The following CLASP2 variants were observed in gnomAD, a reference collection of about 807,000 sequenced individuals.
CLASP2 encodes cytoplasmic linker associated protein 2, also known as CLIP-associating protein 2.
CLASP2 carries 47 observed loss-of-function variants against 194.4 expected under a neutral mutation model. That is an observed-to-expected ratio of 0.24 (90% confidence interval 0.19 to 0.31). The LOEUF is 0.31. Among genes scored for constraint, CLASP2 ranks in the 10% least tolerant of loss-of-function variants. The pLI, the probability that CLASP2 is intolerant of heterozygous loss-of-function variation, is 1.00. For missense variants in CLASP2, 1,445 were observed against 1,823.6 expected, an observed-to-expected ratio of 0.79 and a Z score of 3.78; for synonymous variants, 619 against 633.5, an observed-to-expected ratio of 0.98 and a Z score of 0.34.
chr3:33,696,433 G>C, intron 2 of CLASP2, among the ~76,000 whole-genome samples: 1 of 122,608 alleles, frequency 8.2e-6, no homozygotes, highest in Admixed American at 1.0e-4. Flanking sequence ...AAACTGAAAT[G>C]CTAAGTAGCA....
chr3:33,576,935 G>A (rs1355072481), intron 23 of CLASP2, among the ~76,000 whole-genome samples: 11 of 148,532 alleles, frequency 7.4e-5, no homozygotes, highest in African/African-American at 2.5e-4. Flanking sequence ...ATACAAAGAT[G>A]AGAACATAAA....
At chr3:33,530,529 A>T (rs1313671292) in intron 34 of CLASP2, among the ~76,000 whole-genome samples, 1 of 152,256 alleles carries the variant, frequency 6.6e-6, no homozygotes, top group African/African-American at 2.4e-5. Context: ...TAAGGATATT[A>T]AGTATTATGT....
chr3:33,551,371 T>C lies in CLASP2; in HGVS notation c.3034A>G (p.Ile1012Val), dbSNP rs368913164. The C allele has an allele frequency of 1.4e-5, 22 of 1,613,874 alleles. No homozygotes were observed. In the African/African-American group the frequency reaches 2.7e-4, roughly 20 times the overall value. Residue 1012 changes from isoleucine (I) to valine (V), a missense_variant, in exon 30 of 39, where the codon ATA becomes GTA. Ile to Val is a conservative substitution (Grantham distance 29). This residue lies in a region of CLASP2 where 732 missense variants were observed against 987.9 expected (regional missense o/e 0.74). Transcript: ENST00000682230. ...TCCATCTGTTTGGCCAGAGTTTCTA[T>C]GTATTTAAGGATAGCAACCTTCACC... ...LKVKVAILKY[I>V]ETLAKQMDPG...
chr3:33,520,430 T>C (rs377206876), intron 34 of CLASP2, among the ~76,000 whole-genome samples: 168 of 152,256 alleles, frequency 1.1e-3, no homozygotes, highest in African/African-American at 4.0e-3. Context: ...AAACAAACTA[T>C]AAGGAGGGTA....
intron 11 of CLASP2, 75 bp downstream of exon 11, chr3:33,622,060 G>C (rs1422933411): frequency 8.8e-7 from 1 of 1,132,828 alleles, no homozygotes; most frequent in African/African-American, 1.6e-5. Context: ...GCTACTGCTT[G>C]ACTTAATGAG....
intron 20 of CLASP2, 173 bp from the exon 21 acceptor site, chr3:33,592,669 T>C (rs2069089735): frequency 1.5e-6 from 1 of 661,438 alleles, no homozygotes; most frequent in Admixed American, 2.3e-5. Context: ...TTTTTTTACG[T>C]GTTATACCAT....
At chr3:33,553,567 A>C (rs532209328) in intron 29 of CLASP2, among the ~76,000 whole-genome samples, 6 of 152,222 alleles carry the variant, frequency 3.9e-5, no homozygotes, top group African/African-American at 1.4e-4. Flanking sequence ...TTGTCAAAGA[A>C]AGACATACAA....
chr3:33,620,012 A>T (rs2076854088), intron 11 of CLASP2, among the ~76,000 whole-genome samples: 1 of 152,194 alleles, frequency 6.6e-6, no homozygotes, highest in African/African-American at 2.4e-5. Context: ...TTCAGAATTT[A>T]ATTATTAACT....
Position 33,684,435 on chromosome 3 carries a change from C to T in CLASP2, c.568G>A (p.Ala190Thr). ...NSQVRDAAILAIVEIYRHVGE... is the reference protein window; with the variant it reads ...NSQVRDAAILTIVEIYRHVGE... ...ACATGTCTATAAATCTCCACTATAG[C>T]CAATATTGCAGCATCTCTCACCTGT... The change falls in exon 6 of 39, where the codon GCT (alanine) becomes ACT (threonine). Residue 190 changes from alanine (A) to threonine (T), a missense_variant. This residue lies in a region of CLASP2 where 332 missense variants were observed against 325.3 expected (regional missense o/e 1.02). Transcript: ENST00000682230. 1.2e-6 allele frequency: 2 copies of T among 1,600,066 alleles called. No individual in the cohort carries two copies. The highest frequency in any genetic ancestry group is 1.3e-5 in the African/African-American group (1 of 74,164).
At chr3:33,664,847 C>G (rs2085906157) in intron 6 of CLASP2, among the ~76,000 whole-genome samples, 1 of 152,154 alleles carries the variant, frequency 6.6e-6, no homozygotes, top group Admixed American at 6.5e-5. Flanking sequence ...TGCCTATAAT[C>G]CCAACACTTT....
In CLASP2 at chr3:33,606,551, G is replaced by T. The variant is rs769089283; in HGVS notation, c.1694+40C>A. On this transcript the variant is annotated intron_variant, in intron 16 of 38. Transcript: ENST00000682230. Reference sequence around the variant, plus strand: ...ACTTATGAAACTTCAGGGAGTTGAGGAGAGGAAGAGACTAGTAATCATTAT... The same window carrying T: ...ACTTATGAAACTTCAGGGAGTTGAGTAGAGGAAGAGACTAGTAATCATTAT... 10 of 1,532,760 alleles carry T rather than the reference G, an allele frequency of 6.5e-6. No individual in the cohort carries two copies. The East Asian group carries it at 2.3e-4, about 35-fold the overall frequency. The allele number at this position is 1,532,760 out of a possible 1,614,324, so 94.9% of individuals were successfully genotyped here.
At chr3:33,615,698 A>T (rs1200358748) in intron 12 of CLASP2, among the ~76,000 whole-genome samples, 2 of 152,106 alleles carry the variant, frequency 1.3e-5, no homozygotes, top group Non-Finnish European at 2.9e-5. Context: ...ATATAAAGTG[A>T]TGACATACTA....
chr3:33,539,673 A>ATT (rs1337993732), intron 32 of CLASP2, among the ~76,000 whole-genome samples: 4 of 152,034 alleles, frequency 2.6e-5, no homozygotes, highest in Non-Finnish European at 5.9e-5. Context: ...GTGCCTATTT[A>ATT]TTTAGGTATT....
intron 19 of CLASP2, among the ~76,000 whole-genome samples, chr3:33,596,410 A>T: frequency 6.6e-6 from 1 of 152,126 alleles, no homozygotes; most frequent in African/African-American, 2.4e-5. Context: ...AATATTTTTT[A>T]TTAAGACTTA....
intron 1 of CLASP2, among the ~76,000 whole-genome samples, chr3:33,700,209 C>T (rs2092276463): frequency 6.6e-6 from 1 of 152,000 alleles, no homozygotes; most frequent in Non-Finnish European, 1.5e-5. Flanking sequence ...GGAAGATCAC[C>T]TGAGGTCAGG....
At chr3:33,592,977 C>T (rs916647978) in intron 20 of CLASP2, among the ~76,000 whole-genome samples, 1 of 152,188 alleles carries the variant, frequency 6.6e-6, no homozygotes, top group African/African-American at 2.4e-5. Context: ...GATTTAATCT[C>T]TTTATATCAG....
chr3:33,555,618 T>C (rs2060791051), intron 29 of CLASP2, among the ~76,000 whole-genome samples: 1 of 152,198 alleles, frequency 6.6e-6, no homozygotes, highest in African/African-American at 2.4e-5. Context: ...TCTGCCCACC[T>C]TGGTCTCCCA....
chr3:33,622,767 C>T (rs1218398453), intron 10 of CLASP2, among the ~76,000 whole-genome samples: 1 of 151,870 alleles, frequency 6.6e-6, no homozygotes, highest in East Asian at 1.9e-4. Context: ...TTAAAAGTGC[C>T]AAATTTGGAA....
intron 34 of CLASP2, among the ~76,000 whole-genome samples, chr3:33,529,445 A>G (rs996873935): frequency 6.6e-6 from 1 of 152,194 alleles, no homozygotes; most frequent in African/African-American, 2.4e-5. Flanking sequence ...ACAGTAACCA[A>G]AACAGCATGG....
Sources: allele counts gnomAD v4.1 joint callset (sites outside exome capture counted in the v4.1 genomes callset), GRCh38; gene constraint gnomAD v4.1.1; regional missense constraint gnomAD v4.1.1; transcripts MANE v1.5; gene names NCBI Gene and HGNC (gene_info 2026-07-23, HGNC 2026-07-21).